AGBL3: variants seen among roughly 807,000 people sequenced by gnomAD.
The protein encoded by AGBL3 is AGBL carboxypeptidase 3, also known as cytosolic carboxypeptidase 3.
AGBL3 carries 68 observed loss-of-function variants against 94.5 expected under a neutral mutation model. The observed-to-expected ratio is 0.72, with a 90% confidence interval of 0.59 to 0.88. AGBL3 has a LOEUF of 0.88. Ranked by LOEUF, AGBL3 falls within the 40% of genes least tolerant of loss-of-function variation. AGBL3 has a pLI of 0.00. For synonymous variants in AGBL3, 354 were observed against 370.7 expected, an observed-to-expected ratio of 0.95 and a Z score of 0.52; for missense variants, 934 against 1,103.8, an observed-to-expected ratio of 0.85 and a Z score of 2.18.
At chr7:135,064,174 C>A (rs1236485350) in intron 12 of AGBL3, among the ~76,000 whole-genome samples, 1 of 152,142 alleles carries the variant, frequency 6.6e-6, no homozygotes, top group Non-Finnish European at 1.5e-5. Context: ...TAGGAACAAT[C>A]CAGGGGTATC....
chr7:135,076,583 T>C (rs552043980), intron 13 of AGBL3, 115 bp downstream of exon 13: 82 of 761,162 alleles, frequency 1.1e-4, no homozygotes, highest in Non-Finnish European at 1.6e-4. Context: ...AAGTTAAAAT[T>C]TTGTTCATAT....
At chr7:134,988,416 G>C (rs1450786546) in intron 2 of AGBL3, 1 of 153,458 alleles carries the variant, frequency 6.5e-6, no homozygotes, top group African/African-American at 2.4e-5. Flanking sequence ...TGGCTCTGAT[G>C]TCATAAAGGA....
chr7:135,135,303 C>T lies in AGBL3; in HGVS notation c.*42C>T, dbSNP rs1391237942. ...TCTGAGAACTGTGAATGAAGGATAA[C>T]ATATGCTTATGTAGTAAAAAGAAAA... On this transcript the variant is annotated 3_prime_UTR_variant, in exon 17 of 17. Coordinates refer to ENST00000436302, the MANE Select transcript of AGBL3 (RefSeq NM_178563.4). The T allele has an allele frequency of 7.0e-7, 1 of 1,422,834 alleles. No individual in the cohort carries two copies. The highest frequency in any genetic ancestry group is 9.3e-7 in the Non-Finnish European group (1 of 1,076,396). 88.1% of individuals were successfully genotyped at this position (1,422,834 alleles called of 1,614,324 possible).
intron 5 of AGBL3, among the ~76,000 whole-genome samples, chr7:135,026,570 C>T (rs951638396): frequency 4.0e-5 from 6 of 151,568 alleles, no homozygotes; most frequent in Non-Finnish European, 7.4e-5. Context: ...CCACCATGCC[C>T]GCCAGTGTCT....
Position 135,128,926 on chromosome 7 carries a change from G to A in AGBL3, c.2343-5915G>A, listed in dbSNP as rs139250132. 6.7e-4 allele frequency: 1,025 copies of A among 1,532,756 alleles called. 8 individuals are homozygous for A. The African/African-American group carries it at 0.011, about 17-fold the overall frequency. The allele number at this position is 1,532,756 out of a possible 1,614,324, so 94.9% of individuals were successfully genotyped here. ...TGCTTTAATAGTAATTTGTTCCTGT[G>A]CAATATCTGTTTCTGTAAGAAGCTG... On this transcript the variant is annotated intron_variant, in intron 16 of 16. Transcript: ENST00000436302.
chr7:135,071,188 G>A (rs1418631201), intron 12 of AGBL3, among the ~76,000 whole-genome samples: 1 of 152,060 alleles, frequency 6.6e-6, no homozygotes, highest in African/African-American at 2.4e-5. Context: ...CCTCTTCAAG[G>A]AGAACTACAA....
intron 8 of AGBL3, among the ~76,000 whole-genome samples, chr7:135,040,427 C>G (rs1259588643): frequency 6.6e-6 from 1 of 152,020 alleles, no homozygotes; most frequent in African/African-American, 2.4e-5. Flanking sequence ...TAGACCATGA[C>G]CAGATGGGGT....
intron 2 of AGBL3, 58 bp downstream of exon 2, chr7:134,988,054 C>T: frequency 8.5e-7 from 1 of 1,179,570 alleles, no homozygotes; most frequent in Non-Finnish European, 1.2e-6. Context: ...TATAAATCCC[C>T]AATTAAAATA....
At chr7:135,116,534 G>C (rs1394798678) in intron 16 of AGBL3, among the ~76,000 whole-genome samples, 1 of 152,162 alleles carries the variant, frequency 6.6e-6, no homozygotes. Context: ...AGAGAAAGAG[G>C]TACTTCATTT....
chr7:135,017,214 T>C, intron 5 of AGBL3, 55 bp downstream of exon 5: 3 of 1,240,202 alleles, frequency 2.4e-6, no homozygotes, highest in Non-Finnish European at 3.5e-6. Context: ...CTTAGGTTAA[T>C]CTCTTAATTA....
intron 13 of AGBL3, 74 bp downstream of exon 13, chr7:135,076,542 T>C (rs1820470608): frequency 2.6e-6 from 3 of 1,154,318 alleles, no homozygotes; most frequent in Non-Finnish European, 2.5e-6. Context: ...TTTTCTCTTA[T>C]ACTTCTTATA....
At chr7:135,058,090 T>G (rs1251244520) in intron 11 of AGBL3, among the ~76,000 whole-genome samples, 2 of 152,184 alleles carry the variant, frequency 1.3e-5, no homozygotes, top group Non-Finnish European at 2.9e-5. Flanking sequence ...TTTAATAATG[T>G]ATCAGTGTTG....
At chr7:134,996,125 G>A (rs1035997622) in intron 4 of AGBL3, among the ~76,000 whole-genome samples, 19 of 152,148 alleles carry the variant, frequency 1.2e-4, no homozygotes, top group Non-Finnish European at 2.5e-4. Context: ...TTTATTCAAA[G>A]GCACAGGATA....
chr7:134,987,996 G>C lies in AGBL3; in HGVS notation c.63G>C (p.Ser21=). 1 of 1,534,930 alleles carries C rather than the reference G, an allele frequency of 6.5e-7. No individual in the cohort carries two copies. Among genetic ancestry groups the C allele is most frequent in the Non-Finnish European group, 8.8e-7 (1 of 1,139,500 alleles). Residue 21 remains serine (S), a splice_region_variant and synonymous_variant, in exon 2 of 17, where the codon TCG becomes TCC. Coordinates refer to ENST00000436302, the MANE Select transcript of AGBL3 (RefSeq NM_178563.4). ...SDRTISDEDE[S]DEDMFMKFVS... ...GAACAATCAGTGATGAAGATGAATC[G>C]GTATGTTTTTCTCAACTTTATTTTA...
chr7:135,046,710 A>C (rs1270548630), intron 11 of AGBL3, among the ~76,000 whole-genome samples: 1 of 152,078 alleles, frequency 6.6e-6, no homozygotes, highest in African/African-American at 2.4e-5. Flanking sequence ...CAGTTTATAT[A>C]TCAGTTTACC....
At chr7:135,094,545 C>T (rs956617521) in intron 15 of AGBL3, 2 of 456,510 alleles carry the variant, frequency 4.4e-6, no homozygotes, top group Admixed American at 2.3e-5. Context: ...GGAATCCCAC[C>T]AGGTTCTCAT....
At chr7:134,995,036 A>C (rs1170794848) in intron 4 of AGBL3, among the ~76,000 whole-genome samples, 1 of 152,210 alleles carries the variant, frequency 6.6e-6, no homozygotes. Flanking sequence ...AAAGTCCAAC[A>C]GAGAAAACAC....
chr7:135,096,512 A>G (rs1822743442), intron 15 of AGBL3, among the ~76,000 whole-genome samples: 1 of 147,986 alleles, frequency 6.8e-6, no homozygotes, highest in Admixed American at 6.8e-5. Context: ...ACATCACCAA[A>G]AAAGAAAAAG....
intron 5 of AGBL3, among the ~76,000 whole-genome samples, chr7:135,018,573 G>C (rs1814071922): frequency 6.6e-6 from 1 of 152,092 alleles, no homozygotes; most frequent in Non-Finnish European, 1.5e-5. Context: ...TGAGTTGAAA[G>C]GAAAGCTATA....
Sources: gnomAD v4.1 joint callset for allele counts (sites outside exome capture counted in the v4.1 genomes callset) on GRCh38, gnomAD v4.1.1 for gene constraint, MANE v1.5 for transcripts, NCBI Gene and HGNC (gene_info 2026-07-23, HGNC 2026-07-21) for gene names.